Variants in DLG1 observed in about 807,000 individuals in gnomAD.
The protein encoded by DLG1 is discs large MAGUK scaffold protein 1.
DLG1 carries 42 observed loss-of-function variants against 123.4 expected under a neutral mutation model. The ratio of observed to expected loss-of-function variants is 0.34; its 90% CI spans 0.27 to 0.44. The LOEUF (loss-of-function observed/expected upper bound fraction) is 0.44, where lower values mean the gene tolerates loss of function less well. Among genes scored for constraint, DLG1 ranks in the 20% least tolerant of loss-of-function variants. The pLI is 1.00. For synonymous variants in DLG1, 317 were observed against 356.2 expected (o/e 0.89, Z 1.24); for missense variants, 942 against 1,082.6 (o/e 0.87, Z 1.82).
chr3:197,187,915 C>T (rs2150195605), intron 5 of DLG1, among the ~76,000 whole-genome samples: 1 of 152,260 alleles, frequency 6.6e-6, no homozygotes, highest in South Asian at 2.1e-4. Flanking sequence ...AAGAAAGTAT[C>T]CCTTTCAGAG....
intron 5 of DLG1, among the ~76,000 whole-genome samples, chr3:197,166,726 C>T (rs1839742): frequency 0.14 from 21,426 of 152,006 alleles, 1,584 homozygotes; most frequent in African/African-American, 0.16. Context: ...TCTGTCTCTA[C>T]TAAAAATACA....
chr3:197,195,401 A>G (rs1721944386), intron 4 of DLG1, among the ~76,000 whole-genome samples: 1 of 152,208 alleles, frequency 6.6e-6, no homozygotes, highest in Non-Finnish European at 1.5e-5. Flanking sequence ...CAATTGATTG[A>G]TCAGTAATTA....
intron 23 of DLG1, among the ~76,000 whole-genome samples, chr3:197,055,078 G>A (rs933544245): frequency 6.6e-6 from 1 of 152,114 alleles, no homozygotes; most frequent in Non-Finnish European, 1.5e-5. Context: ...GCCTCCCAAA[G>A]TGCTGGGGTT....
chr3:197,094,518 G>A (rs1759538702), intron 14 of DLG1, among the ~76,000 whole-genome samples: 1 of 152,146 alleles, frequency 6.6e-6, no homozygotes, highest in Admixed American at 6.5e-5. Flanking sequence ...AAGCAATTAG[G>A]AGGCTTATTC....
chr3:197,116,799 A>G (rs969174155), intron 12 of DLG1, among the ~76,000 whole-genome samples: 1 of 152,150 alleles, frequency 6.6e-6, no homozygotes, highest in Non-Finnish European at 1.5e-5. Flanking sequence ...CACAGGCCTA[A>G]GGTTGCTATA....
chr3:197,133,198 T>C (rs1334299252), intron 10 of DLG1, among the ~76,000 whole-genome samples: 2 of 152,208 alleles, frequency 1.3e-5, no homozygotes, highest in East Asian at 1.9e-4. Flanking sequence ...AAAGAGAAGA[T>C]TGATAAAAAC....
intron 5 of DLG1, among the ~76,000 whole-genome samples, chr3:197,153,063 T>C (rs1430810881): frequency 1.3e-5 from 2 of 152,242 alleles, no homozygotes; most frequent in Non-Finnish European, 2.9e-5. Flanking sequence ...TTGTCTAGTG[T>C]TTCTTTCTCC....
intron 4 of DLG1, among the ~76,000 whole-genome samples, chr3:197,281,062 C>G (rs548199790): frequency 6.8e-6 from 1 of 147,866 alleles, no homozygotes; most frequent in Non-Finnish European, 1.5e-5. Flanking sequence ...TCGCTTATCG[C>G]CAGTCTCGCT....
At chr3:197,152,311 A>T (rs1272210498) in intron 5 of DLG1, among the ~76,000 whole-genome samples, 2 of 151,930 alleles carry the variant, frequency 1.3e-5, no homozygotes, top group Non-Finnish European at 2.9e-5. Context: ...CTTTTTCTTC[A>T]TCTGAAATAA....
chr3:197,128,288 T>C (rs1780811326), intron 11 of DLG1, among the ~76,000 whole-genome samples: 1 of 152,238 alleles, frequency 6.6e-6, no homozygotes, highest in Non-Finnish European at 1.5e-5. Flanking sequence ...CTACCAGGAT[T>C]AGATTCCATC....
intron 4 of DLG1, among the ~76,000 whole-genome samples, chr3:197,224,561 T>C (rs182673247): frequency 1.5e-4 from 23 of 152,358 alleles, no homozygotes; most frequent in African/African-American, 5.3e-4. Flanking sequence ...GCTCATAGTT[T>C]AACAACCAAT....
chr3:197,184,956 G>C (rs998322242), intron 5 of DLG1, among the ~76,000 whole-genome samples: 61 of 152,152 alleles, frequency 4.0e-4, no homozygotes, highest in African/African-American at 4.3e-4. Context: ...AAATGTTTAC[G>C]GGCAGGGGGA....
At chr3:197,103,061 T>C (rs7616588) in intron 14 of DLG1, among the ~76,000 whole-genome samples, 116,426 of 152,060 alleles carry the variant, frequency 0.77, 44,752 homozygotes, top group East Asian at 0.82. Context: ...CAAACCACAT[T>C]ATGAGTGAAA....
intron 15 of DLG1, among the ~76,000 whole-genome samples, chr3:197,088,574 C>A (rs1161872279): frequency 6.6e-6 from 1 of 152,120 alleles, no homozygotes; most frequent in Non-Finnish European, 1.5e-5. Flanking sequence ...AAACATGTGA[C>A]ATAGTAGACA....
chr3:197,269,140 TAAAC>T (rs1463121017), intron 4 of DLG1, among the ~76,000 whole-genome samples: 2 of 152,240 alleles, frequency 1.3e-5, no homozygotes, highest in Admixed American at 6.5e-5. Flanking sequence ...GTACAGTAGA[TAAAC>T]TAGTAACATA....
intron 22 of DLG1, among the ~76,000 whole-genome samples, chr3:197,062,477 T>G (rs1322956561): frequency 6.6e-6 from 1 of 152,230 alleles, no homozygotes; most frequent in East Asian, 1.9e-4. Flanking sequence ...TTACTCTATG[T>G]ATTATAATAT....
chr3:197,190,621 T>C (rs983306865), intron 5 of DLG1, among the ~76,000 whole-genome samples: 1 of 152,194 alleles, frequency 6.6e-6, no homozygotes, highest in Non-Finnish European at 1.5e-5. Context: ...GGAGAACTTG[T>C]AAACCTCCCA....
chr3:197,076,484 C>A, intron 18 of DLG1, 102 bp downstream of exon 18: 1 of 793,650 alleles, frequency 1.3e-6, no homozygotes, highest in East Asian at 2.8e-5. Context: ...AATTAGCAAC[C>A]TGCTGCAGCT....
At chr3:197,250,860 G>A (rs1446252696) in intron 4 of DLG1, among the ~76,000 whole-genome samples, 1 of 150,866 alleles carries the variant, frequency 6.6e-6, no homozygotes, top group African/African-American at 2.4e-5. Flanking sequence ...CAGGCGCAGT[G>A]GCAGGTGCCT....
Sources: allele counts gnomAD v4.1 joint callset (sites outside exome capture counted in the v4.1 genomes callset), GRCh38; gene constraint gnomAD v4.1.1; transcripts MANE v1.5; gene names NCBI Gene and HGNC (gene_info 2026-07-23, HGNC 2026-07-21).